Variants in CDH12 observed in about 807,000 individuals in gnomAD.
The protein encoded by CDH12 is cadherin 12.
In CDH12, 41 loss-of-function variants were observed where a neutral mutation model predicts 74.1. The observed-to-expected ratio is 0.55, with a 90% CI of 0.43 to 0.72. The LOEUF is 0.72. Among genes scored for constraint, CDH12 ranks in the 30% least tolerant of loss-of-function variants. CDH12 has a pLI of 0.00. For missense variants in CDH12, 945 were observed against 977.2 expected (o/e 0.97, Z 0.44); for synonymous variants, 399 against 355.0 (o/e 1.12, Z -1.39).
At chr5:22,072,815 TAGAGTATTGA>T (rs1439994366) in intron 5 of CDH12, among the ~76,000 whole-genome samples, 1 of 151,860 alleles carries the variant, frequency 6.6e-6, no homozygotes, top group Non-Finnish European at 1.5e-5. Context: ...TTTAGTTTAA[TAGAGTATTGA>T]AATGATTGTT....
At position 21,926,992 on chromosome 5, in the gene CDH12, T is replaced by C. The variant is rs527833863; in HGVS notation, c.526+48099A>G. Among the ~76,000 whole-genome samples the C allele has an allele frequency of 9.5e-4, 144 of 152,258 alleles. 1 individual carries two copies. The highest frequency in any genetic ancestry group is 1.6e-3 in the Non-Finnish European group (111 of 68,022). On this transcript the variant is annotated intron_variant, in intron 6 of 14. Coordinates refer to ENST00000382254, the MANE Select transcript of CDH12 (RefSeq NM_004061.5). ...TTTTCTAGGCCAGCAGTTGACTAAA[T>C]GAATGAGGGAAATTTCTTGGGATAA...
At chr5:22,358,057 T>C (rs148705183) in intron 3 of CDH12, among the ~76,000 whole-genome samples, 23 of 152,256 alleles carry the variant, frequency 1.5e-4, no homozygotes, top group African/African-American at 5.1e-4. Context: ...TAAACAACAT[T>C]AAATAGTTTT....
chr5:21,751,894 C>T lies in CDH12; in HGVS notation c.2228G>A (p.Gly743Glu), dbSNP rs781251474. 1 of 1,613,962 alleles carries T rather than the reference C, an allele frequency of 6.2e-7. No individual in the cohort carries two copies. Among genetic ancestry groups the T allele is most frequent in the Non-Finnish European group, 8.5e-7 (1 of 1,179,990 alleles). ...GAGGGACTCTGCCACGGACCCACTC[C>T]CTTCGTAGGCATATGTGGCCAGTGA... is the stretch of plus-strand genomic sequence containing the variant. Reference protein sequence around the residue: ...YDSLATYAYEGSGSVAESLSS... With the variant: ...YDSLATYAYEESGSVAESLSS... The change falls in exon 15 of 15, where the codon GGG becomes GAG. Residue 743 changes from glycine (G) to glutamate (E), a missense_variant. Gly to Glu is a moderately conservative substitution (Grantham distance 98). Around this residue, in one of 3 missense-constraint regions of CDH12, gnomAD observed 791 missense variants for 792.8 expected, o/e 1.00. Transcript: ENST00000382254.
At chr5:22,668,092 T>G (rs1469698761) in intron 1 of CDH12, among the ~76,000 whole-genome samples, 1 of 152,218 alleles carries the variant, frequency 6.6e-6, no homozygotes, top group Non-Finnish European at 1.5e-5. Context: ...AAATTGAACA[T>G]TTCCCTCTGT....
At chr5:22,016,601 A>T (rs1484329443) in intron 5 of CDH12, among the ~76,000 whole-genome samples, 1 of 151,894 alleles carries the variant, frequency 6.6e-6, no homozygotes, top group Non-Finnish European at 1.5e-5. Flanking sequence ...GGCCAGGATG[A>T]TCTCACTCTC....
At chr5:21,827,133 G>A (rs1237988050) in intron 8 of CDH12, among the ~76,000 whole-genome samples, 1 of 152,166 alleles carries the variant, frequency 6.6e-6, no homozygotes, top group African/African-American at 2.4e-5. Context: ...CAAGCAAGTA[G>A]TATCTCTGAT....
At chr5:22,319,384 A>G (rs998404652) in intron 3 of CDH12, among the ~76,000 whole-genome samples, 1 of 152,196 alleles carries the variant, frequency 6.6e-6, no homozygotes, top group Non-Finnish European at 1.5e-5. Context: ...CAAGACCAAC[A>G]TCCTATGTGG....
intron 1 of CDH12, among the ~76,000 whole-genome samples, chr5:22,776,147 A>C (rs984878123): frequency 6.6e-6 from 1 of 152,094 alleles, no homozygotes. Context: ...CATGTTCAGG[A>C]ACGGTCAGCA....
At chr5:22,785,905 G>T (rs1747599515) in intron 1 of CDH12, among the ~76,000 whole-genome samples, 1 of 152,066 alleles carries the variant, frequency 6.6e-6, no homozygotes, top group Non-Finnish European at 1.5e-5. Flanking sequence ...AAAAGACGTG[G>T]CAATTCTTCA....
intron 2 of CDH12, among the ~76,000 whole-genome samples, chr5:22,491,376 T>C (rs1314248573): frequency 6.6e-6 from 1 of 152,214 alleles, no homozygotes; most frequent in Non-Finnish European, 1.5e-5. Context: ...TTGTATTCCA[T>C]GGTATGCATA....
chr5:21,920,438 A>T (rs552597499), intron 6 of CDH12, among the ~76,000 whole-genome samples: 3 of 152,038 alleles, frequency 2.0e-5, no homozygotes, highest in Non-Finnish European at 4.4e-5. Flanking sequence ...TAGAAAACCA[A>T]ACAATGCATG....
intron 3 of CDH12, among the ~76,000 whole-genome samples, chr5:22,213,922 T>C (rs2150364471): frequency 6.6e-6 from 1 of 151,836 alleles, no homozygotes; most frequent in Middle Eastern, 3.4e-3. Context: ...TGTGTGTGCG[T>C]GTGTGTGTGG....
chr5:22,552,301 A>G (rs902070343), intron 1 of CDH12, among the ~76,000 whole-genome samples: 1 of 152,212 alleles, frequency 6.6e-6, no homozygotes, highest in Non-Finnish European at 1.5e-5. Flanking sequence ...AAACGAAAAC[A>G]AACAAACATA....
chr5:22,481,565 T>C (rs1746386371), intron 2 of CDH12, among the ~76,000 whole-genome samples: 1 of 152,186 alleles, frequency 6.6e-6, no homozygotes, highest in Non-Finnish European at 1.5e-5. Flanking sequence ...TATGGATGAA[T>C]CTGAAGGACA....
chr5:22,776,626 G>C (rs1416646143), intron 1 of CDH12, among the ~76,000 whole-genome samples: 1 of 152,004 alleles, frequency 6.6e-6, no homozygotes, highest in Non-Finnish European at 1.5e-5. Flanking sequence ...GATTCTTCTA[G>C]AAAAAAATAG....
chr5:21,813,866 T>C (rs1579752428), intron 9 of CDH12, among the ~76,000 whole-genome samples: 1 of 152,144 alleles, frequency 6.6e-6, no homozygotes, highest in East Asian at 1.9e-4. Flanking sequence ...CTACTTTAAG[T>C]CTTTCTAGCT....
chr5:22,300,398 G>T (rs9293015), intron 3 of CDH12, among the ~76,000 whole-genome samples: 65,828 of 151,912 alleles, frequency 0.43, 14,648 homozygotes, highest in South Asian at 0.56. Flanking sequence ...CAGGAAAGCG[G>T]ATGTTTCTTC....
At chr5:22,327,755 G>A (rs1192118303) in intron 3 of CDH12, among the ~76,000 whole-genome samples, 2 of 151,962 alleles carry the variant, frequency 1.3e-5, no homozygotes, top group African/African-American at 2.4e-5. Context: ...AAAATACCCT[G>A]GACCACTTCC....
intron 4 of CDH12, among the ~76,000 whole-genome samples, chr5:22,196,803 A>G (rs1580387775): frequency 6.6e-6 from 1 of 152,028 alleles, no homozygotes; most frequent in East Asian, 1.9e-4. Context: ...TTGGGACATC[A>G]CTGTAGCTCC....
Sources: allele counts gnomAD v4.1 joint callset (sites outside exome capture counted in the v4.1 genomes callset), GRCh38; gene constraint gnomAD v4.1.1; regional missense constraint gnomAD v4.1.1; transcripts MANE v1.5; gene names NCBI Gene and HGNC (gene_info 2026-07-23, HGNC 2026-07-21).